CCDC90B: variants seen among roughly 807,000 people sequenced by gnomAD.
CCDC90B encodes the protein coiled-coil domain containing 90B.
A neutral mutation model predicts 37.0 loss-of-function variants in CCDC90B; 24 were observed. That is an observed-to-expected ratio of 0.65 (90% CI 0.47 to 0.91). The LOEUF is 0.91. Among genes scored for constraint, CCDC90B ranks in the 40% least tolerant of loss-of-function variants. CCDC90B has a pLI of 0.00. For synonymous variants in CCDC90B, 113 were observed against 101.1 expected (o/e 1.12, Z -0.71); for missense variants, 319 against 299.0 (o/e 1.07, Z -0.49).
intron 8 of CCDC90B, among the ~76,000 whole-genome samples, chr11:83,263,161 T>G (rs937643175): frequency 2.0e-5 from 3 of 152,186 alleles, no homozygotes; most frequent in African/African-American, 4.8e-5. Context: ...CTTGAAAGAC[T>G]CAATCTGTCA....
At chr11:83,273,582 A>C (rs973642731) in intron 7 of CCDC90B, 65 bp downstream of exon 7, 1 of 1,210,052 alleles carries the variant, frequency 8.3e-7, no homozygotes, top group Non-Finnish European at 1.2e-6. Context: ...AAACTGGTAC[A>C]CATAAAAGCA....
At position 83,259,707 on chromosome 11, in the gene CCDC90B, G is replaced by GTGAC. The variant is rs1863846469; in HGVS notation, c.*2200_*2203dup. 6.6e-6 allele frequency: 1 copy of GTGAC among 152,162 alleles called. No individual in the cohort carries two copies. Among genetic ancestry groups the GTGAC allele is most frequent in the South Asian group, 2.1e-4 (1 of 4,828 alleles). The allele number at this position is 152,162 out of a possible 1,614,324, so 9.4% of individuals were successfully genotyped here. On this transcript the variant is annotated 3_prime_UTR_variant, in exon 9 of 9. Transcript: ENST00000529689. The stretch of plus-strand genomic sequence containing the variant: ...TCATGTGTTGCCAGGCTGGAGTGCA[G>GTGAC]TGACTATTTATAGGTATGATCATGG...
intron 1 of CCDC90B, among the ~76,000 whole-genome samples, chr11:83,282,150 G>A (rs754152404): frequency 6.6e-6 from 1 of 152,270 alleles, no homozygotes; most frequent in Non-Finnish European, 1.5e-5. Context: ...ACGATGGGAT[G>A]CAAAAACAAA....
At chr11:83,278,913 T>G in intron 2 of CCDC90B, 84 bp from the exon 3 acceptor site, 2 of 696,462 alleles carry the variant, frequency 2.9e-6, no homozygotes, top group South Asian at 3.5e-5. Flanking sequence ...CCTCAACATT[T>G]AAATTGTTAT....
Position 83,273,974 on chromosome 11 carries a change from C to G in CCDC90B, c.445G>C (p.Asp149His), listed in dbSNP as rs745402250. Reference sequence around the variant, plus strand: ...ACCATTAGTTGTTGCTTAACTTGGTCTAATTCAATTTTCATTTTCTAGGTA... The same window carrying G: ...ACCATTAGTTGTTGCTTAACTTGGTGTAATTCAATTTTCATTTTCTAGGTA... ...AENEKMKIELDQVKQQLMHET... is the reference protein window; with the variant it reads ...AENEKMKIELHQVKQQLMHET... Residue 149 changes from aspartate to histidine, a missense_variant, in exon 5 of 9, where the codon GAC becomes CAC. Physicochemically the swap from Asp to His is moderately conservative, Grantham distance 81. Transcript: ENST00000529689. 1.3e-6 allele frequency: 2 copies of G among 1,576,078 alleles called. No homozygotes were observed. The highest frequency in any genetic ancestry group is 1.7e-6 in the Non-Finnish European group (2 of 1,162,998).
At chr11:83,281,666 GA>G (rs1865390689) in intron 1 of CCDC90B, among the ~76,000 whole-genome samples, 1 of 151,110 alleles carries the variant, frequency 6.6e-6, no homozygotes, top group Non-Finnish European at 1.5e-5. Context: ...GAGAGAAAAA[GA>G]AAAATTAGAG....
chr11:83,285,138 G>C (rs1244486526), intron 1 of CCDC90B: 2 of 1,262,914 alleles, frequency 1.6e-6, no homozygotes, highest in East Asian at 1.1e-4. Flanking sequence ...TGGCACTGAA[G>C]ATTCAAGAAG....
intron 3 of CCDC90B, among the ~76,000 whole-genome samples, chr11:83,276,715 C>A (rs1865053634): frequency 1.3e-5 from 2 of 152,094 alleles, no homozygotes; most frequent in Admixed American, 1.3e-4. Flanking sequence ...AAAAAGCCTA[C>A]AAAACTGCAC....
chr11:83,260,876 G>A lies in CCDC90B; in HGVS notation c.*1035C>T, dbSNP rs1221134403. 1 of 152,014 alleles carries A rather than the reference G, an allele frequency of 6.6e-6. No homozygotes were observed. The highest frequency in any genetic ancestry group is 1.5e-5 in the Non-Finnish European group (1 of 67,998). The allele number at this position is 152,014 out of a possible 1,614,324, so 9.4% of individuals were successfully genotyped here. On this transcript the variant is annotated 3_prime_UTR_variant, in exon 9 of 9. Coordinates refer to ENST00000529689, the MANE Select transcript of CCDC90B (RefSeq NM_021825.5). ...TTTTCCTATGAGTTTCTTGAGAGTA[G>A]GTACTAGATATCAATGTTTGCTGAA...
intron 2 of CCDC90B, among the ~76,000 whole-genome samples, chr11:83,279,538 C>T (rs1001463461): frequency 6.6e-5 from 10 of 152,000 alleles, no homozygotes; most frequent in Non-Finnish European, 1.3e-4. Context: ...AGCATTTGCC[C>T]ACCTTTTTCT....
At chr11:83,280,120 G>T (rs777589186) in intron 2 of CCDC90B, 21 bp downstream of exon 2, 18 of 1,605,198 alleles carry the variant, frequency 1.1e-5, no homozygotes, top group Non-Finnish European at 1.5e-5. Flanking sequence ...TCTTCTTTCA[G>T]GAGGTATCCA....
chr11:83,285,365 C>G, intron 1 of CCDC90B: 1 of 1,158,426 alleles, frequency 8.6e-7, no homozygotes, highest in Non-Finnish European at 1.1e-6. Context: ...CCAGTATTCA[C>G]TTATTTTCCC....
At chr11:83,283,051 T>C (rs1441246626) in intron 1 of CCDC90B, among the ~76,000 whole-genome samples, 1 of 116,026 alleles carries the variant, frequency 8.6e-6, no homozygotes, top group Non-Finnish European at 1.8e-5. Flanking sequence ...GCCTGAAATA[T>C]TTATTAGGCT....
chr11:83,274,838 C>G (rs908369496), intron 3 of CCDC90B, 98 bp from the exon 4 acceptor site: 7 of 728,592 alleles, frequency 9.6e-6, no homozygotes, highest in Non-Finnish European at 1.6e-5. Flanking sequence ...TGTTAACATG[C>G]TACAAGGTAT....
chr11:83,280,614 CAGTAAT>C (rs1041750538), intron 1 of CCDC90B, among the ~76,000 whole-genome samples: 2 of 152,292 alleles, frequency 1.3e-5, no homozygotes, highest in Non-Finnish European at 2.9e-5. Flanking sequence ...TCTCTGTGCT[CAGTAAT>C]AGTCTTTCAA....
chr11:83,273,521 A>G (rs1864818079), intron 7 of CCDC90B, 126 bp downstream of exon 7: 1 of 632,762 alleles, frequency 1.6e-6, no homozygotes, highest in African/African-American at 1.9e-5. Flanking sequence ...TATAATAGCT[A>G]TGAGGAAGCC....
chr11:83,269,699 C>G (rs1046615749), intron 7 of CCDC90B, among the ~76,000 whole-genome samples: 1 of 152,116 alleles, frequency 6.6e-6, no homozygotes, highest in Non-Finnish European at 1.5e-5. Context: ...CAGGACCAGA[C>G]AGATTCACAG....
intron 1 of CCDC90B, chr11:83,285,598 A>C: frequency 1.3e-5 from 17 of 1,304,254 alleles, no homozygotes; most frequent in Non-Finnish European, 1.7e-5. Context: ...GTCACCAAAA[A>C]ACGGAAACAA....
intron 7 of CCDC90B, among the ~76,000 whole-genome samples, chr11:83,267,849 C>A (rs143497011): frequency 0.024 from 3,663 of 152,256 alleles, 87 homozygotes; most frequent in South Asian, 0.072. Context: ...GTGTTAAGGG[C>A]AGCCAGAAAG....
Sources: gnomAD v4.1 joint callset for allele counts (sites outside exome capture counted in the v4.1 genomes callset) on GRCh38, gnomAD v4.1.1 for gene constraint, MANE v1.5 for transcripts, NCBI Gene and HGNC (gene_info 2026-07-23, HGNC 2026-07-21) for gene names.